The following LYRM4 variants were observed in gnomAD, a reference collection of about 807,000 sequenced individuals.
LYRM4 encodes LYR motif-containing protein 4.
A neutral mutation model predicts 11.7 loss-of-function variants in LYRM4; 9 were observed. The ratio of observed to expected loss-of-function variants is 0.77; its 90% CI spans 0.46 to 1.34. The LOEUF (loss-of-function observed/expected upper bound fraction) is 1.34, where lower values mean the gene tolerates loss of function less well. Among genes scored for constraint, LYRM4 ranks in the 40% most tolerant of loss-of-function variants. LYRM4 has a pLI of 0.00. For missense variants in LYRM4, 133 were observed against 112.5 expected, an observed-to-expected ratio of 1.18 and a Z score of -0.82; for synonymous variants, 42 against 40.4, an observed-to-expected ratio of 1.04 and a Z score of -0.15.
chr6:5,158,673 A>G (rs1324001381), intron 2 of LYRM4, among the ~76,000 whole-genome samples: 2 of 152,014 alleles, frequency 1.3e-5, no homozygotes, highest in African/African-American at 4.8e-5. Flanking sequence ...GGGTCCCACT[A>G]TGTTGCCCAG....
chr6:5,057,406 A>C, the LYRM4 span, among the ~76,000 whole-genome samples: 3 of 152,176 alleles, frequency 2.0e-5, no homozygotes. Flanking sequence ...AAGGGACTCT[A>C]GCTTTGGAGT....
At chr6:5,177,138 C>G (rs79007706) in intron 2 of LYRM4, among the ~76,000 whole-genome samples, 4 of 152,198 alleles carry the variant, frequency 2.6e-5, no homozygotes, top group African/African-American at 9.7e-5. Flanking sequence ...AGAGGACTCT[C>G]AAGGCCTCCT....
intron 1 of LYRM4, among the ~76,000 whole-genome samples, chr6:5,248,013 C>CT (rs2127765500): frequency 6.6e-6 from 1 of 152,304 alleles, no homozygotes; most frequent in South Asian, 2.1e-4. Context: ...CAGGTACCTG[C>CT]TTTAAGATCA....
At chr6:5,071,859 G>A in the LYRM4 span, among the ~76,000 whole-genome samples, 1 of 152,074 alleles carries the variant, frequency 6.6e-6, no homozygotes, top group Admixed American at 6.5e-5. Context: ...TGGCCAGGCC[G>A]GTCTCGAACT....
chr6:5,120,582 G>A (rs995971770), intron 2 of LYRM4, among the ~76,000 whole-genome samples: 3 of 152,188 alleles, frequency 2.0e-5, no homozygotes, highest in Admixed American at 6.5e-5. Flanking sequence ...TGCTGGCTGG[G>A]GGTGGCCAGC....
intron 2 of LYRM4, among the ~76,000 whole-genome samples, chr6:5,155,405 C>T (rs1033078122): frequency 3.3e-5 from 5 of 152,214 alleles, no homozygotes; most frequent in Non-Finnish European, 4.4e-5. Context: ...ATAAATACTA[C>T]TACAGAAACA....
the LYRM4 span, among the ~76,000 whole-genome samples, chr6:5,074,927 T>C: frequency 6.6e-6 from 1 of 152,084 alleles, no homozygotes; most frequent in Admixed American, 6.5e-5. Flanking sequence ...GTGATTGGAT[T>C]ATGGGGGTGG....
the LYRM4 span, chr6:5,033,415 A>C: frequency 1.3e-5 from 2 of 152,006 alleles, no homozygotes; most frequent in Non-Finnish European, 2.9e-5. Context: ...ACTGCCCTAC[A>C]CCCCAGCATG....
chr6:5,052,745 C>T, the LYRM4 span, among the ~76,000 whole-genome samples: 2 of 152,282 alleles, frequency 1.3e-5, no homozygotes, highest in East Asian at 1.9e-4. Context: ...TTATGTTATG[C>T]ATATTTACAA....
intron 2 of LYRM4, among the ~76,000 whole-genome samples, chr6:5,215,421 T>G (rs1356126375): frequency 6.6e-6 from 1 of 152,206 alleles, no homozygotes; most frequent in Non-Finnish European, 1.5e-5. Context: ...TCAGTTTCTT[T>G]TCTGAGTACC....
intron 1 of LYRM4, among the ~76,000 whole-genome samples, chr6:5,231,145 C>T (rs543509044): frequency 2.0e-5 from 3 of 152,014 alleles, no homozygotes; most frequent in Admixed American, 2.0e-4. Flanking sequence ...GGCGTGGTGG[C>T]GGGCACCTAT....
At chr6:5,085,015 T>G in the LYRM4 span, 1 of 161,868 alleles carries the variant, frequency 6.2e-6, no homozygotes, top group Non-Finnish European at 1.3e-5. Context: ...CACGTGGGGG[T>G]CTCTGAAGGT....
the LYRM4 span, among the ~76,000 whole-genome samples, chr6:5,035,206 C>T: frequency 6.6e-6 from 1 of 152,036 alleles, no homozygotes; most frequent in African/African-American, 2.4e-5. Flanking sequence ...ATAACTACCT[C>T]GAATCACAAG....
chr6:5,228,364 C>T (rs1763021769), intron 1 of LYRM4, among the ~76,000 whole-genome samples: 1 of 152,082 alleles, frequency 6.6e-6, no homozygotes, highest in African/African-American at 2.4e-5. Flanking sequence ...GCAACCTTCA[C>T]CTCCCTGGTT....
At chr6:5,094,290 C>G in the LYRM4 span, among the ~76,000 whole-genome samples, 3 of 152,056 alleles carry the variant, frequency 2.0e-5, no homozygotes, top group East Asian at 3.9e-4. Context: ...AAGACAAGCC[C>G]GGAGAACAAA....
At chr6:5,051,211 G>A in the LYRM4 span, among the ~76,000 whole-genome samples, 2 of 152,174 alleles carry the variant, frequency 1.3e-5, no homozygotes, top group African/African-American at 4.8e-5. Context: ...CATATACATT[G>A]TTGAGGTTCC....
intron 2 of LYRM4, among the ~76,000 whole-genome samples, chr6:5,114,037 G>A (rs1278592837): frequency 1.3e-5 from 2 of 152,308 alleles, no homozygotes; most frequent in African/African-American, 4.8e-5. Context: ...AGACTCCTGT[G>A]CAGCTAGAGG....
At chr6:5,057,176 C>A in the LYRM4 span, among the ~76,000 whole-genome samples, 1 of 152,190 alleles carries the variant, frequency 6.6e-6, no homozygotes, top group Non-Finnish European at 1.5e-5. Flanking sequence ...GTTTCAACCT[C>A]TCAACCCAAC....
chr6:5,102,013 G>T (rs1355451852), downstream of LYRM4, among the ~76,000 whole-genome samples: 1 of 86,352 alleles, frequency 1.2e-5, no homozygotes, highest in African/African-American at 4.1e-5. Context: ...GGCTGGTCTT[G>T]AACTCCTGGC....
Sources: gnomAD v4.1 joint callset for allele counts (sites outside exome capture counted in the v4.1 genomes callset) on GRCh38, gnomAD v4.1.1 for gene constraint, MANE v1.5 for transcripts, NCBI Gene and HGNC (gene_info 2026-07-23, HGNC 2026-07-21) for gene names.